TM2D1: variants seen among roughly 807,000 people sequenced by gnomAD.
TM2D1 encodes TM2 domain containing 1.
A neutral mutation model predicts 28.4 loss-of-function variants in TM2D1; 15 were observed. The ratio of observed to expected loss-of-function variants is 0.53; its 90% CI spans 0.35 to 0.81. The LOEUF (loss-of-function observed/expected upper bound fraction) is 0.81, where lower values mean the gene tolerates loss of function less well. Ranked by LOEUF, TM2D1 falls within the 40% of genes least tolerant of loss-of-function variation. The probability of loss-of-function intolerance (pLI) is 0.01; values close to 1 mark genes in which losing one functional copy is unlikely to be tolerated. For missense variants in TM2D1, 236 were observed against 254.9 expected (o/e 0.93, Z 0.50); for synonymous variants, 93 against 96.2 (o/e 0.97, Z 0.20).
intron 4 of TM2D1, chr1:61,700,274 C>A: frequency 6.7e-7 from 1 of 1,491,992 alleles, no homozygotes. Flanking sequence ...AGTTTCCTTA[C>A]CTGTTAAAGA....
At chr1:61,681,574 C>A (rs1644244146) in intron 6 of TM2D1, among the ~76,000 whole-genome samples, 2 of 152,200 alleles carry the variant, frequency 1.3e-5, no homozygotes, top group South Asian at 2.1e-4. Flanking sequence ...TGGAATCCCA[C>A]CTAAATGTTT....
At chr1:61,690,456 C>CAAAAAAAAAAAAAAAAAAAAAAAAAAACA (rs762550068) in intron 5 of TM2D1, among the ~76,000 whole-genome samples, 1 of 60,048 alleles carries the variant, frequency 1.7e-5, no homozygotes, top group African/African-American at 6.4e-5. Flanking sequence ...GACTCAGTCT[C>CAAAAAAAAAAAAAAAAAAAAAAAAAAACA]AAAAAAAAAA....
chr1:61,703,722 A>AATC (rs1214335029), intron 3 of TM2D1, among the ~76,000 whole-genome samples: 1 of 3,092 alleles, frequency 3.2e-4, no homozygotes, highest in African/African-American at 7.5e-4. Flanking sequence ...CAATCTTTAT[A>AATC]TATATATATA....
chr1:61,719,747 G>A (rs1470206970), intron 2 of TM2D1, among the ~76,000 whole-genome samples: 2 of 151,586 alleles, frequency 1.3e-5, no homozygotes, highest in Non-Finnish European at 2.9e-5. Flanking sequence ...CACCTGCCTC[G>A]GCCTCCCCAA....
intron 3 of TM2D1, among the ~76,000 whole-genome samples, chr1:61,704,737 G>C (rs1459073204): frequency 6.6e-6 from 1 of 151,964 alleles, no homozygotes; most frequent in African/African-American, 2.4e-5. Flanking sequence ...AGCCAATAAA[G>C]CATTTTAAGA....
chr1:61,704,295 T>A (rs1423885676), intron 3 of TM2D1, among the ~76,000 whole-genome samples: 2 of 151,912 alleles, frequency 1.3e-5, no homozygotes, highest in Non-Finnish European at 2.9e-5. Context: ...GCCAAAGGGA[T>A]GGATGAATGA....
chr1:61,700,919 A>T lies in TM2D1; in HGVS notation c.439+15T>A, dbSNP rs376110511. ...TAGGTTTCATAAGGATTTTTTTTTA[A>T]TGAAACATACGCACCCAAAGCAGGG... is the stretch of plus-strand genomic sequence containing the variant. On this transcript the variant is annotated intron_variant, in intron 4 of 6. Coordinates refer to ENST00000606498, the MANE Select transcript of TM2D1 (RefSeq NM_032027.3). 6.3e-7 allele frequency: 1 copy of T among 1,583,480 alleles called. No homozygotes were observed.
chr1:61,721,805 T>G (rs1352280008), intron 2 of TM2D1, among the ~76,000 whole-genome samples: 1 of 151,870 alleles, frequency 6.6e-6, no homozygotes, highest in Admixed American at 6.6e-5. Flanking sequence ...CATGAGCTTT[T>G]GTGTGTTTTA....
At chr1:61,718,027 A>C (rs1436621388) in intron 2 of TM2D1, among the ~76,000 whole-genome samples, 1 of 152,080 alleles carries the variant, frequency 6.6e-6, no homozygotes, top group Non-Finnish European at 1.5e-5. Context: ...CAAAAACAAC[A>C]ACAAAAAACG....
intron 2 of TM2D1, among the ~76,000 whole-genome samples, chr1:61,716,499 A>ATATATG (rs1439959047): frequency 6.9e-6 from 1 of 145,500 alleles, no homozygotes; most frequent in Non-Finnish European, 1.5e-5. Context: ...GTATATAATT[A>ATATATG]TATATAATTT....
At chr1:61,710,930 T>C (rs1418916993) in intron 2 of TM2D1, among the ~76,000 whole-genome samples, 1 of 152,212 alleles carries the variant, frequency 6.6e-6, no homozygotes, top group Non-Finnish European at 1.5e-5. Flanking sequence ...TAGTTCTAAC[T>C]ACATTACCCC....
chr1:61,689,111 A>G (rs116164528), intron 5 of TM2D1, among the ~76,000 whole-genome samples: 2,013 of 152,276 alleles, frequency 0.013, 13 homozygotes, highest in Admixed American at 0.029. Context: ...CAAGTATACC[A>G]CCTTTCCAGC....
chr1:61,694,135 C>T (rs923636049), intron 5 of TM2D1: 1 of 152,100 alleles, frequency 6.6e-6, no homozygotes, highest in African/African-American at 2.4e-5. Flanking sequence ...CTAAAGAACG[C>T]CCTTTTTTTT....
At chr1:61,707,136 T>C (rs1282811924) in intron 3 of TM2D1, among the ~76,000 whole-genome samples, 1 of 151,990 alleles carries the variant, frequency 6.6e-6, no homozygotes, top group Non-Finnish European at 1.5e-5. Flanking sequence ...GCACCTCTAG[T>C]CCCAGCTACT....
In TM2D1 at chr1:61,725,140, T is replaced by G; in HGVS notation, c.-20A>C. 6.2e-7 allele frequency: 1 copy of G among 1,613,194 alleles called. No individual in the cohort carries two copies. Among genetic ancestry groups the G allele is most frequent in the Non-Finnish European group, 8.5e-7 (1 of 1,179,720 alleles). ...CGCCATCTTGGAGACCGACACTTTC[T>G]CGCCACTTCCGCTTCCGCCTCCGCC... On this transcript the variant is annotated 5_prime_UTR_variant, in exon 1 of 7. Coordinates refer to ENST00000606498, the MANE Select transcript of TM2D1 (RefSeq NM_032027.3).
chr1:61,716,208 A>G (rs1462049286), intron 2 of TM2D1, among the ~76,000 whole-genome samples: 1 of 150,592 alleles, frequency 6.6e-6, no homozygotes. Flanking sequence ...AGTCCTAGCT[A>G]CTCGGGAAGC....
rs1020227597 is a variant in TM2D1 at position 61,684,863 on chromosome 1, C to G, written c.514-1317G>C. 8.5e-5 allele frequency among the ~76,000 whole-genome samples: 13 copies of G among 152,220 alleles called. No individual in the cohort carries two copies. The South Asian group carries it at 2.5e-3, about 29-fold the overall frequency. On this transcript the variant is annotated intron_variant, in intron 5 of 6. Transcript: ENST00000606498. ...GCATGATCTTGGCTCACTGCAACCTCCCCCCCGGGGCTCTAGCGATCCTCC... is the reference window on the plus strand; with the variant it reads ...GCATGATCTTGGCTCACTGCAACCTGCCCCCCGGGGCTCTAGCGATCCTCC...
chr1:61,723,713 C>A lies in TM2D1; in HGVS notation c.238G>T (p.Val80Phe). 1 of 1,502,332 alleles carries A rather than the reference C, an allele frequency of 6.7e-7. No individual in the cohort carries two copies. Among genetic ancestry groups the A allele is most frequent in the Non-Finnish European group, 9.0e-7 (1 of 1,107,464 alleles). 93.1% of individuals were successfully genotyped at this position (1,502,332 alleles called of 1,614,324 possible). A position where few individuals can be genotyped will look rare whatever the true frequency, so the allele number is the denominator to read the frequency against. ...AAAGACATGTTTCTTGAAGTCTTAC[C>A]ATGAGCTGTGTAGTTTGTACAGTTA... Reference protein sequence around the residue: ...PVNCTNYTAHVSCFPAPNITC... With the variant: ...PVNCTNYTAHFSCFPAPNITC... Residue 80 changes from valine to phenylalanine, a missense_variant and splice_region_variant, in exon 2 of 7, where the codon GTT becomes TTT. By Grantham distance (50) the Val-to-Phe change is conservative. Transcript: ENST00000606498.
intron 3 of TM2D1, among the ~76,000 whole-genome samples, chr1:61,704,079 G>A (rs538759366): frequency 2.0e-5 from 3 of 150,832 alleles, no homozygotes; most frequent in South Asian, 4.2e-4. Flanking sequence ...TTAGTAAGAC[G>A]GGTTTTCACC....
Sources: gnomAD v4.1 joint callset for allele counts (sites outside exome capture counted in the v4.1 genomes callset) on GRCh38, gnomAD v4.1.1 for gene constraint, MANE v1.5 for transcripts, NCBI Gene and HGNC (gene_info 2026-07-23, HGNC 2026-07-21) for gene names.